Variants in TOM1L2 observed in about 807,000 individuals in gnomAD.
TOM1L2 encodes the protein target of myb1 like 2 membrane trafficking protein, also known as TOM1-like protein 2.
In TOM1L2, 31 loss-of-function variants were observed where a neutral mutation model predicts 67.9. That is an observed-to-expected ratio of 0.46 (90% CI 0.34 to 0.62). The LOEUF (loss-of-function observed/expected upper bound fraction) is 0.62. Among genes scored for constraint, TOM1L2 ranks in the 20% least tolerant of loss-of-function variants. TOM1L2 has a pLI of 0.01. For synonymous variants in TOM1L2, 256 were observed against 254.0 expected, an observed-to-expected ratio of 1.01 and a Z score of -0.07; for missense variants, 606 against 663.5, an observed-to-expected ratio of 0.91 and a Z score of 0.95.
At chr17:17,852,885 AAAAAAG>A (rs1420299970) in intron 12 of TOM1L2, among the ~76,000 whole-genome samples, 2 of 151,828 alleles carry the variant, frequency 1.3e-5, no homozygotes, top group East Asian at 3.9e-4. Flanking sequence ...AAAAAAAAAA[AAAAAAG>A]AACATTGAAT....
At chr17:17,885,800 C>T (rs1568167395) in intron 4 of TOM1L2, among the ~76,000 whole-genome samples, 1 of 151,762 alleles carries the variant, frequency 6.6e-6, no homozygotes, top group Non-Finnish European at 1.5e-5. Flanking sequence ...TGGCGGGTGC[C>T]TGTAGTCCCA....
chr17:17,945,836 C>G (rs1033274330), intron 1 of TOM1L2, among the ~76,000 whole-genome samples: 1 of 152,098 alleles, frequency 6.6e-6, no homozygotes, highest in Non-Finnish European at 1.5e-5. Flanking sequence ...TCTGCCACCA[C>G]CCTAATTCAA....
At chr17:17,958,977 A>C (rs1175714002) in intron 1 of TOM1L2, among the ~76,000 whole-genome samples, 2 of 152,252 alleles carry the variant, frequency 1.3e-5, no homozygotes, top group Non-Finnish European at 2.9e-5. Context: ...AAGAACTTCC[A>C]AGTTGAACAC....
At chr17:17,852,382 C>T (rs2036024585) in intron 12 of TOM1L2, among the ~76,000 whole-genome samples, 2 of 152,152 alleles carry the variant, frequency 1.3e-5, no homozygotes, top group Admixed American at 1.3e-4. Flanking sequence ...TCTACGATGC[C>T]ACCAGAGCTC....
chr17:17,948,211 G>A (rs747325600), intron 1 of TOM1L2, among the ~76,000 whole-genome samples: 6 of 152,172 alleles, frequency 3.9e-5, no homozygotes, highest in Non-Finnish European at 7.3e-5. Context: ...ACCTTTCACT[G>A]AGACTTGCTG....
intron 1 of TOM1L2, among the ~76,000 whole-genome samples, chr17:17,914,058 A>G (rs565019646): frequency 3.9e-5 from 6 of 152,204 alleles, no homozygotes; most frequent in Non-Finnish European, 7.3e-5. Context: ...TTCCATCAGG[A>G]TAAGTCTCCT....
At chr17:17,864,425 T>G (rs2036731111) in intron 10 of TOM1L2, among the ~76,000 whole-genome samples, 1 of 151,152 alleles carries the variant, frequency 6.6e-6, no homozygotes, top group Non-Finnish European at 1.5e-5. Context: ...CTAGCCAGGA[T>G]GGTCTCGATC....
intron 4 of TOM1L2, among the ~76,000 whole-genome samples, chr17:17,892,658 C>A (rs2038351459): frequency 6.6e-6 from 1 of 151,436 alleles, no homozygotes; most frequent in Non-Finnish European, 1.5e-5. Context: ...ACACCCCCTT[C>A]CCCACATAGT....
chr17:17,951,409 T>A (rs1422522865), intron 1 of TOM1L2, among the ~76,000 whole-genome samples: 1 of 152,132 alleles, frequency 6.6e-6, no homozygotes, highest in African/African-American at 2.4e-5. Flanking sequence ...GGAGGAACAT[T>A]TAGTACTTGG....
At chr17:17,964,493 G>A (rs1038914590) in intron 1 of TOM1L2, among the ~76,000 whole-genome samples, 1 of 152,240 alleles carries the variant, frequency 6.6e-6, no homozygotes, top group African/African-American at 2.4e-5. Context: ...TGTGAAATAA[G>A]CATCTCAACA....
At chr17:17,965,189 G>C (rs773672073) in intron 1 of TOM1L2, among the ~76,000 whole-genome samples, 5 of 151,698 alleles carry the variant, frequency 3.3e-5, no homozygotes, top group African/African-American at 9.7e-5. Flanking sequence ...CCTCTGTAAT[G>C]ATATTCATGC....
At chr17:17,906,194 T>G (rs2039093359) in intron 2 of TOM1L2, among the ~76,000 whole-genome samples, 2 of 151,188 alleles carry the variant, frequency 1.3e-5, no homozygotes, top group Non-Finnish European at 2.9e-5. Flanking sequence ...AGTGGCATGC[T>G]CATGGCTCAC....
chr17:17,844,822 A>G lies in TOM1L2; in HGVS notation c.*2813T>C, dbSNP rs2035559343. Reference sequence around the variant, plus strand: ...GCAGAAAGGGTTAAACACATTCCCAAGAAAATATTTTGACAAAATAAATAT... The same window carrying G: ...GCAGAAAGGGTTAAACACATTCCCAGGAAAATATTTTGACAAAATAAATAT... On this transcript the variant is annotated 3_prime_UTR_variant, in exon 15 of 15. Transcript: ENST00000379504. The G allele has an allele frequency of 6.6e-6, 1 of 152,320 alleles. No individual in the cohort carries two copies. The highest frequency in any genetic ancestry group is 1.5e-5 in the Non-Finnish European group (1 of 68,054). The allele number at this position is 152,320 out of a possible 1,614,324, so 9.4% of individuals were successfully genotyped here.
chr17:17,904,993 T>G (rs1458039772), intron 2 of TOM1L2, among the ~76,000 whole-genome samples: 1 of 152,190 alleles, frequency 6.6e-6, no homozygotes, highest in Non-Finnish European at 1.5e-5. Context: ...GTAGCTGCTA[T>G]ACCTCCACCC....
At chr17:17,857,766 C>T (rs189651562) in intron 12 of TOM1L2, 3 of 1,535,604 alleles carry the variant, frequency 2.0e-6, no homozygotes, top group African/African-American at 1.4e-5. Flanking sequence ...GGTGACTCCT[C>T]ACCATTCCTT....
At chr17:17,943,067 G>C (rs1044348407) in intron 1 of TOM1L2, among the ~76,000 whole-genome samples, 2 of 152,188 alleles carry the variant, frequency 1.3e-5, no homozygotes, top group Non-Finnish European at 2.9e-5. Context: ...TTGGCCAGAT[G>C]CTTAGAAGCT....
intron 1 of TOM1L2, among the ~76,000 whole-genome samples, chr17:17,944,777 G>A (rs766416833): frequency 3.3e-5 from 5 of 152,210 alleles, no homozygotes; most frequent in Non-Finnish European, 5.9e-5. Flanking sequence ...GGAAACAGGA[G>A]GTCCGCACTT....
rs1229315776 is a variant in TOM1L2 at position 17,844,932 on chromosome 17, T to TA, written c.*2702_*2703insT. Reference sequence around the variant, plus strand: ...AATTAAGTATATACTGTATCTGTGATTTCTAACACTCACGGAGAGGCTGGT... The same window carrying TA: ...AATTAAGTATATACTGTATCTGTGATATTCTAACACTCACGGAGAGGCTGGT... On this transcript the variant is annotated 3_prime_UTR_variant, in exon 15 of 15. Coordinates refer to ENST00000379504, the MANE Select transcript of TOM1L2 (RefSeq NM_001082968.2). 1 of 152,470 alleles carries TA rather than the reference T, an allele frequency of 6.6e-6. No individual in the cohort carries two copies. Among genetic ancestry groups the TA allele is most frequent in the Non-Finnish European group, 1.5e-5 (1 of 68,046 alleles). 9.4% of individuals were successfully genotyped at this position (152,470 alleles called of 1,614,324 possible). A position where few individuals can be genotyped will look rare whatever the true frequency, so the allele number is the denominator to read the frequency against.
chr17:17,962,840 A>T (rs2145036418), intron 1 of TOM1L2, among the ~76,000 whole-genome samples: 1 of 152,128 alleles, frequency 6.6e-6, no homozygotes, highest in Admixed American at 6.5e-5. Context: ...GCGTGCCTGT[A>T]GTCCCAGCTA....
Sources: allele counts gnomAD v4.1 joint callset (sites outside exome capture counted in the v4.1 genomes callset), GRCh38; gene constraint gnomAD v4.1.1; transcripts MANE v1.5; gene names NCBI Gene and HGNC (gene_info 2026-07-23, HGNC 2026-07-21).